PCDHA11: variants seen among roughly 807,000 people sequenced by gnomAD.
PCDHA11 encodes the protein protocadherin alpha 11.
In PCDHA11, 61 loss-of-function variants were observed where a neutral mutation model predicts 70.3. That is an observed-to-expected ratio of 0.87 (90% CI 0.71 to 1.07). The LOEUF (loss-of-function observed/expected upper bound fraction) is 1.07, where lower values mean the gene tolerates loss of function less well. PCDHA11 is among the 50% of genes least tolerant of loss of function. The pLI is 0.00. For synonymous variants in PCDHA11, 633 were observed against 555.1 expected (o/e 1.14, Z -1.97); for missense variants, 1,324 against 1,237.5 (o/e 1.07, Z -1.05).
chr5:140,970,227 A>T (rs186622858), intron 1 of PCDHA11, among the ~76,000 whole-genome samples: 190 of 152,300 alleles, frequency 1.2e-3, no homozygotes, highest in African/African-American at 4.2e-3. Flanking sequence ...GCAGCCTGTA[A>T]TCTTCTGATT....
chr5:140,925,069 C>T (rs1240618705), intron 1 of PCDHA11, among the ~76,000 whole-genome samples: 1 of 149,418 alleles, frequency 6.7e-6, no homozygotes, highest in Non-Finnish European at 1.5e-5. Context: ...AACAAAGCAA[C>T]ACGCTCATCT....
intron 1 of PCDHA11, among the ~76,000 whole-genome samples, chr5:140,924,871 G>C: frequency 6.7e-6 from 1 of 149,164 alleles, no homozygotes; most frequent in Non-Finnish European, 1.5e-5. Flanking sequence ...CTCCAGCCTG[G>C]GTGACAGAGC....
chr5:140,997,380 C>T (rs1554255860), intron 3 of PCDHA11, among the ~76,000 whole-genome samples: 1 of 152,112 alleles, frequency 6.6e-6, no homozygotes. Flanking sequence ...ATATAGCATA[C>T]TACACACTTA....
Position 140,968,579 on chromosome 5 carries a change from A to G in PCDHA11, c.2392-10370A>G, listed in dbSNP as rs1554230883. On this transcript the variant is annotated intron_variant, in intron 1 of 3. Coordinates refer to ENST00000398640, the MANE Select transcript of PCDHA11 (RefSeq NM_018902.5). ...AACTGCCCCTGCTGGCTACCTGGTCACCAAAGTCATAGCTATGGACTCAGA... is the reference window on the plus strand; with the variant it reads ...AACTGCCCCTGCTGGCTACCTGGTCGCCAAAGTCATAGCTATGGACTCAGA... 6 of 1,614,182 alleles carry G rather than the reference A, an allele frequency of 3.7e-6. No homozygotes were observed. The highest frequency in any genetic ancestry group is 5.1e-6 in the Non-Finnish European group (6 of 1,180,042).
intron 1 of PCDHA11, among the ~76,000 whole-genome samples, chr5:140,941,214 C>CCTTCCTTTCTTT (rs1554214040): frequency 1.6e-5 from 2 of 122,412 alleles, no homozygotes; most frequent in Non-Finnish European, 3.4e-5. Flanking sequence ...TTTCTTTCTT[C>CCTTCCTTTCTTT]CTTTCTTTCT....
intron 1 of PCDHA11, among the ~76,000 whole-genome samples, chr5:140,954,531 G>A (rs564993313): frequency 4.6e-5 from 7 of 152,218 alleles, no homozygotes; most frequent in African/African-American, 1.4e-4. Context: ...GTGATGTTGA[G>A]GTTTTTTTCA....
At chr5:140,922,255 A>C (rs1415394722) in intron 1 of PCDHA11, among the ~76,000 whole-genome samples, 2 of 152,256 alleles carry the variant, frequency 1.3e-5, no homozygotes, top group Non-Finnish European at 2.9e-5. Flanking sequence ...ATAAGTTACT[A>C]AGTGCCATGA....
intron 3 of PCDHA11, among the ~76,000 whole-genome samples, chr5:141,006,952 A>G (rs2098296225): frequency 1.3e-5 from 2 of 152,212 alleles, no homozygotes; most frequent in South Asian, 4.1e-4. Flanking sequence ...ATAGGCAGTT[A>G]TACATGAGAT....
chr5:140,883,412 A>G, intron 1 of PCDHA11: 1 of 1,614,152 alleles, frequency 6.2e-7, no homozygotes, highest in African/African-American at 1.3e-5. Context: ...CTCTGGCTCA[A>G]ATGGACAGGT....
chr5:140,869,579 A>T lies in PCDHA11; in HGVS notation c.476A>T (p.Asp159Val). The T allele has an allele frequency of 8.1e-6, 13 of 1,614,178 alleles. No homozygotes were observed. The highest frequency in any genetic ancestry group is 1.0e-5 in the Non-Finnish European group (12 of 1,180,040). The stretch of plus-strand genomic sequence containing the variant: ...CGTTTTCCACTAGAGGGAGCTTCTG[A>T]TGCTGACATTGAAGAGAATGCTCTA... Reference protein sequence around the residue: ...DSRFPLEGASDADIEENALLT... With the variant: ...DSRFPLEGASVADIEENALLT... The change falls in exon 1 of 4, where the codon GAT (aspartate) becomes GTT (valine). Residue 159 changes from aspartate (D) to valine (V), a missense_variant. Asp to Val is a radical substitution (Grantham distance 152). Transcript: ENST00000398640.
At chr5:140,876,671 C>A in intron 1 of PCDHA11, 1 of 1,614,212 alleles carries the variant, frequency 6.2e-7, no homozygotes, top group African/African-American at 1.3e-5. Flanking sequence ...CTGGTGTCCA[C>A]CTACAAGAAT....
At chr5:140,989,153 A>C (rs1409258920) in intron 3 of PCDHA11, among the ~76,000 whole-genome samples, 2 of 152,186 alleles carry the variant, frequency 1.3e-5, no homozygotes, top group Non-Finnish European at 2.9e-5. Flanking sequence ...CTTTTGTTTA[A>C]GAGTGTTGCA....
At chr5:140,872,211 T>C (rs2053549148) in intron 1 of PCDHA11, among the ~76,000 whole-genome samples, 1 of 152,218 alleles carries the variant, frequency 6.6e-6, no homozygotes, top group South Asian at 2.1e-4. Flanking sequence ...ATTCATTATA[T>C]ATGAAACAAT....
intron 1 of PCDHA11, among the ~76,000 whole-genome samples, chr5:140,931,244 T>C (rs1161128281): frequency 6.6e-6 from 1 of 152,168 alleles, no homozygotes; most frequent in Non-Finnish European, 1.5e-5. Context: ...ACACTTTTCC[T>C]ACCAAGAAAT....
intron 1 of PCDHA11, among the ~76,000 whole-genome samples, chr5:140,881,132 T>C (rs1215831856): frequency 1.3e-5 from 2 of 152,218 alleles, no homozygotes; most frequent in African/African-American, 4.8e-5. Flanking sequence ...TTGGTAGAGA[T>C]AGTTATAACA....
chr5:140,883,695 C>T, intron 1 of PCDHA11: 2 of 1,613,804 alleles, frequency 1.2e-6, no homozygotes, highest in Non-Finnish European at 1.7e-6. Context: ...CACATCTTCA[C>T]GGTGTCTGCT....
intron 1 of PCDHA11, among the ~76,000 whole-genome samples, chr5:140,914,408 T>C (rs917953173): frequency 6.6e-6 from 1 of 152,224 alleles, no homozygotes; most frequent in Non-Finnish European, 1.5e-5. Context: ...GCTCCTGTTT[T>C]GTTTCCATTA....
At chr5:140,929,316 C>A in intron 1 of PCDHA11, 1 of 1,556,954 alleles carries the variant, frequency 6.4e-7, no homozygotes, top group South Asian at 1.2e-5. Flanking sequence ...ACGCTAATGT[C>A]AATGCCATGG....
intron 1 of PCDHA11, among the ~76,000 whole-genome samples, chr5:140,940,230 T>C (rs1554213224): frequency 6.6e-6 from 1 of 152,212 alleles, no homozygotes; most frequent in Non-Finnish European, 1.5e-5. Flanking sequence ...TTCATTTTGG[T>C]ACATTAAAGT....
Sources: allele counts gnomAD v4.1 joint callset (sites outside exome capture counted in the v4.1 genomes callset), GRCh38; gene constraint gnomAD v4.1.1; transcripts MANE v1.5; gene names NCBI Gene and HGNC (gene_info 2026-07-23, HGNC 2026-07-21).